Variants in RALGPS2 observed in about 807,000 individuals in gnomAD.
The protein encoded by RALGPS2 is Ral GEF with PH domain and SH3 binding motif 2, also known as ras-specific guanine nucleotide-releasing factor RalGPS2.
Under a neutral mutation model 86.8 loss-of-function variants are expected in RALGPS2, and 43 were observed. The ratio of observed to expected loss-of-function variants is 0.50; its 90% CI spans 0.39 to 0.64. The LOEUF is 0.64. Ranked by LOEUF, RALGPS2 falls within the 30% of genes least tolerant of loss-of-function variation. RALGPS2 has a pLI of 0.00. For synonymous variants in RALGPS2, 243 were observed against 231.3 expected (o/e 1.05, Z -0.46); for missense variants, 536 against 694.6 (o/e 0.77, Z 2.57).
intron 1 of RALGPS2, among the ~76,000 whole-genome samples, chr1:178,759,438 C>G (rs1253387807): frequency 6.6e-6 from 1 of 150,570 alleles, no homozygotes; most frequent in Non-Finnish European, 1.5e-5. Context: ...TGGTCTATTT[C>G]TATGTTTTTA....
At chr1:178,834,625 C>A (rs541155654) in intron 8 of RALGPS2, among the ~76,000 whole-genome samples, 13 of 152,306 alleles carry the variant, frequency 8.5e-5, no homozygotes, top group African/African-American at 3.1e-4. Context: ...GTGGCCACTG[C>A]ATCCCAGAAT....
chr1:178,814,848 T>A (rs1655153239), intron 6 of RALGPS2, among the ~76,000 whole-genome samples: 1 of 152,238 alleles, frequency 6.6e-6, no homozygotes, highest in African/African-American at 2.4e-5. Context: ...TCCACATCCA[T>A]GTCACCATCT....
chr1:178,781,881 T>C (rs1307058726), intron 2 of RALGPS2, among the ~76,000 whole-genome samples: 1 of 152,192 alleles, frequency 6.6e-6, no homozygotes, highest in Non-Finnish European at 1.5e-5. Context: ...AAACTAGTCA[T>C]AGTTACAGAG....
intron 8 of RALGPS2, chr1:178,865,184 TC>T: frequency 6.2e-7 from 1 of 1,613,198 alleles, no homozygotes; most frequent in Non-Finnish European, 8.5e-7. Flanking sequence ...CAAGCACTGT[TC>T]TTCCAACAAA....
intron 15 of RALGPS2, among the ~76,000 whole-genome samples, chr1:178,893,270 G>A (rs928850825): frequency 4.6e-5 from 7 of 150,770 alleles, no homozygotes; most frequent in Non-Finnish European, 8.9e-5. Context: ...AAAGATACAT[G>A]AAAAGGAAAT....
At chr1:178,835,392 C>CTTTTTTTTTT (rs71297889) in intron 8 of RALGPS2, among the ~76,000 whole-genome samples, 4 of 122,052 alleles carry the variant, frequency 3.3e-5, no homozygotes, top group East Asian at 2.3e-4. Context: ...TCTTTCTTTT[C>CTTTTTTTTTT]TTTTTTTTTT....
intron 5 of RALGPS2, among the ~76,000 whole-genome samples, chr1:178,809,168 AG>A (rs1654869365): frequency 1.3e-5 from 2 of 152,068 alleles, no homozygotes; most frequent in African/African-American, 4.8e-5. Context: ...CTTATGAAAG[AG>A]TTTTTCTTTT....
intron 4 of RALGPS2, 43 bp from the exon 5 acceptor site, chr1:178,808,002 A>G (rs747406140): frequency 1.0e-5 from 13 of 1,261,354 alleles, no homozygotes; most frequent in East Asian, 2.3e-5. Context: ...GCAGAAAAAA[A>G]CTAGGCTATT....
At chr1:178,853,052 G>A in intron 8 of RALGPS2, 2 of 1,476,626 alleles carry the variant, frequency 1.4e-6, no homozygotes, top group Non-Finnish European at 1.8e-6. Context: ...AAAGATACTG[G>A]CCATTTAAGT....
At chr1:178,851,646 G>A (rs1657182891) in intron 8 of RALGPS2, among the ~76,000 whole-genome samples, 1 of 152,130 alleles carries the variant, frequency 6.6e-6, no homozygotes, top group South Asian at 2.1e-4. Flanking sequence ...GAAAGATACA[G>A]AAGAAGATAA....
chr1:178,776,840 T>C lies in RALGPS2; in HGVS notation c.57+19T>C. On this transcript the variant is annotated intron_variant, in intron 2 of 19. Coordinates refer to ENST00000367635, the MANE Select transcript of RALGPS2 (RefSeq NM_152663.5). ...TTCTGAGGTAAGATATTTAAGAAGC[T>C]TGGGTGTAAAGTTTCTTACCTGGCT... 1 of 1,606,324 alleles carries C rather than the reference T, an allele frequency of 6.2e-7. No individual in the cohort carries two copies. Among genetic ancestry groups the C allele is most frequent in the African/African-American group, 1.3e-5 (1 of 74,762 alleles).
intron 8 of RALGPS2, among the ~76,000 whole-genome samples, chr1:178,839,976 T>C (rs966070957): frequency 5.3e-5 from 8 of 152,144 alleles, no homozygotes; most frequent in Admixed American, 2.0e-4. Flanking sequence ...ATGCACCCAA[T>C]ACAGGAGCAC....
At chr1:178,887,739 A>G (rs1242841594) in intron 13 of RALGPS2, among the ~76,000 whole-genome samples, 4 of 152,186 alleles carry the variant, frequency 2.6e-5, no homozygotes, top group Non-Finnish European at 5.9e-5. Flanking sequence ...CTTTTTATAT[A>G]AAAATACAAG....
At chr1:178,828,476 A>G (rs547904817) in intron 7 of RALGPS2, among the ~76,000 whole-genome samples, 14 of 152,352 alleles carry the variant, frequency 9.2e-5, no homozygotes, top group Middle Eastern at 6.8e-3. Flanking sequence ...AAAATACAGT[A>G]TTATAATCTT....
intron 16 of RALGPS2, among the ~76,000 whole-genome samples, chr1:178,897,241 C>T (rs1040906313): frequency 6.6e-6 from 1 of 151,920 alleles, no homozygotes; most frequent in Non-Finnish European, 1.5e-5. Context: ...AATGAGATAC[C>T]ATCTCACACC....
intron 8 of RALGPS2, among the ~76,000 whole-genome samples, chr1:178,854,858 C>G (rs1657422840): frequency 6.6e-6 from 1 of 152,254 alleles, no homozygotes; most frequent in South Asian, 2.1e-4. Flanking sequence ...TGTGAAATTA[C>G]TTTTAGGGTG....
At chr1:178,807,625 TA>T (rs1654803195) in intron 4 of RALGPS2, among the ~76,000 whole-genome samples, 1 of 152,210 alleles carries the variant, frequency 6.6e-6, no homozygotes, top group African/African-American at 2.4e-5. Flanking sequence ...TGATCCCTTT[TA>T]TTAAAGGTTT....
chr1:178,770,841 T>G (rs944690396), intron 1 of RALGPS2, among the ~76,000 whole-genome samples: 37 of 149,240 alleles, frequency 2.5e-4, no homozygotes, highest in African/African-American at 4.6e-4. Flanking sequence ...TGTTGTTGTT[T>G]TTTTTTTTTT....
chr1:178,831,047 T>C (rs951284020), intron 7 of RALGPS2, among the ~76,000 whole-genome samples: 1 of 152,144 alleles, frequency 6.6e-6, no homozygotes, highest in Non-Finnish European at 1.5e-5. Context: ...AACAAAGTAA[T>C]TGCCAAAGAC....
Sources: gnomAD v4.1 joint callset for allele counts (sites outside exome capture counted in the v4.1 genomes callset) on GRCh38, gnomAD v4.1.1 for gene constraint, MANE v1.5 for transcripts, NCBI Gene and HGNC (gene_info 2026-07-23, HGNC 2026-07-21) for gene names.